The following GALNT13 variants were observed in gnomAD, a reference collection of about 807,000 sequenced individuals.
The protein encoded by GALNT13 is polypeptide N-acetylgalactosaminyltransferase 13.
GALNT13 carries 28 observed loss-of-function variants against 64.2 expected under a neutral mutation model. The ratio of observed to expected loss-of-function variants is 0.44; its 90% CI spans 0.32 to 0.60. GALNT13 has a LOEUF of 0.60. Among genes scored for constraint, GALNT13 ranks in the 20% least tolerant of loss-of-function variants. The pLI is 0.05. For missense variants in GALNT13, 577 were observed against 669.8 expected (o/e 0.86, Z 1.53); for synonymous variants, 214 against 224.6 (o/e 0.95, Z 0.42).
chr2:153,775,146 G>T, the GALNT13 span, among the ~76,000 whole-genome samples: 1 of 152,086 alleles, frequency 6.6e-6, no homozygotes, highest in African/African-American at 2.4e-5. Context: ...ATGGGGTAGG[G>T]TTTAGAGACA....
At chr2:154,342,971 CCA>C (rs1695858165) in intron 9 of GALNT13, among the ~76,000 whole-genome samples, 1 of 151,908 alleles carries the variant, frequency 6.6e-6, no homozygotes, top group African/African-American at 2.4e-5. Flanking sequence ...CATCTGTTTA[CCA>C]AGTACATTGC....
the GALNT13 span, among the ~76,000 whole-genome samples, chr2:153,146,833 A>G: frequency 0.01 from 1,520 of 151,868 alleles, 27 homozygotes; most frequent in African/African-American, 0.034. Context: ...TCATATAACT[A>G]TTTGCTCATG....
At chr2:153,305,983 C>T in the GALNT13 span, among the ~76,000 whole-genome samples, 1 of 152,202 alleles carries the variant, frequency 6.6e-6, no homozygotes, top group African/African-American at 2.4e-5. Context: ...GGAATGGTCA[C>T]TGTGTTCATA....
At chr2:154,409,140 T>C (rs760525318) in intron 11 of GALNT13, 58 bp downstream of exon 11, 2 of 1,031,146 alleles carry the variant, frequency 1.9e-6, no homozygotes, top group African/African-American at 3.1e-5. Flanking sequence ...GTTAAAACTA[T>C]CAGTGGAGAC....
chr2:153,759,344 T>C, the GALNT13 span, among the ~76,000 whole-genome samples: 1 of 152,192 alleles, frequency 6.6e-6, no homozygotes, highest in East Asian at 1.9e-4. Flanking sequence ...TTCAGCACTA[T>C]AGTGAAGAGG....
intron 8 of GALNT13, among the ~76,000 whole-genome samples, chr2:154,262,174 G>A (rs1690732852): frequency 6.6e-6 from 1 of 152,058 alleles, no homozygotes; most frequent in Non-Finnish European, 1.5e-5. Context: ...TAATAATAGT[G>A]ACTATTAGTA....
the GALNT13 span, among the ~76,000 whole-genome samples, chr2:153,630,259 C>T: frequency 6.6e-6 from 1 of 151,854 alleles, no homozygotes; most frequent in African/African-American, 2.4e-5. Context: ...AAATGTCCAA[C>T]AATGATAGAC....
the GALNT13 span, among the ~76,000 whole-genome samples, chr2:153,846,963 A>G: frequency 4.6e-5 from 7 of 152,130 alleles, no homozygotes; most frequent in Non-Finnish European, 8.8e-5. Context: ...TAGAATGGAC[A>G]TACAAATAAA....
chr2:154,245,362 G>A (rs990967470), intron 6 of GALNT13, among the ~76,000 whole-genome samples: 2 of 152,008 alleles, frequency 1.3e-5, no homozygotes, highest in African/African-American at 2.4e-5. Flanking sequence ...TCTCCATGAA[G>A]ATGTTCTCAG....
At chr2:153,612,609 G>A in the GALNT13 span, among the ~76,000 whole-genome samples, 3 of 151,128 alleles carry the variant, frequency 2.0e-5, no homozygotes, top group South Asian at 2.1e-4. Flanking sequence ...CAGTACATTC[G>A]AGGTTTTGTA....
At chr2:154,086,224 A>G (rs928193986) in intron 3 of GALNT13, among the ~76,000 whole-genome samples, 7 of 148,174 alleles carry the variant, frequency 4.7e-5, no homozygotes, top group Admixed American at 4.1e-4. Flanking sequence ...AGAGAACCCA[A>G]TTCTACACAA....
At chr2:153,626,203 A>G in the GALNT13 span, among the ~76,000 whole-genome samples, 2 of 152,124 alleles carry the variant, frequency 1.3e-5, no homozygotes, top group African/African-American at 4.8e-5. Context: ...AAGAAATATA[A>G]ATTTACTCAT....
At chr2:153,937,648 T>C (rs1414297156) in intron 2 of GALNT13, among the ~76,000 whole-genome samples, 2 of 152,206 alleles carry the variant, frequency 1.3e-5, no homozygotes, top group African/African-American at 4.8e-5. Context: ...TAAAACTTTT[T>C]TAAAACAATC....
intron 3 of GALNT13, among the ~76,000 whole-genome samples, chr2:154,064,969 T>C (rs1227212466): frequency 2.0e-5 from 3 of 152,064 alleles, no homozygotes; most frequent in Non-Finnish European, 4.4e-5. Flanking sequence ...GGATGGCATT[T>C]CTGGATGTGC....
At chr2:154,115,511 C>A (rs768641064) in intron 3 of GALNT13, among the ~76,000 whole-genome samples, 12 of 152,036 alleles carry the variant, frequency 7.9e-5, no homozygotes, top group Non-Finnish European at 1.6e-4. Context: ...ACTTCTGCCT[C>A]CCAGGTTTAA....
At chr2:153,940,001 T>C (rs1162528472) in intron 2 of GALNT13, among the ~76,000 whole-genome samples, 2 of 152,188 alleles carry the variant, frequency 1.3e-5, no homozygotes, top group East Asian at 3.9e-4. Flanking sequence ...GGTTCCCTCC[T>C]GAGAATTGAA....
chr2:153,631,767 C>G, the GALNT13 span, among the ~76,000 whole-genome samples: 2 of 152,134 alleles, frequency 1.3e-5, no homozygotes, highest in East Asian at 1.9e-4. Context: ...TGCCTGTTCA[C>G]TCTGATGGTA....
the GALNT13 span, among the ~76,000 whole-genome samples, chr2:153,767,268 G>C: frequency 6.6e-6 from 1 of 152,050 alleles, no homozygotes; most frequent in Non-Finnish European, 1.5e-5. Context: ...CCATGTTGCT[G>C]CAAAGGACAT....
intron 3 of GALNT13, among the ~76,000 whole-genome samples, chr2:154,049,181 C>T (rs1478458425): frequency 1.3e-5 from 2 of 151,844 alleles, no homozygotes; most frequent in East Asian, 3.9e-4. Flanking sequence ...TGCAGTGCCT[C>T]ATCTGATACA....
Sources: gnomAD v4.1 joint callset for allele counts (sites outside exome capture counted in the v4.1 genomes callset) on GRCh38, gnomAD v4.1.1 for gene constraint, MANE v1.5 for transcripts, NCBI Gene and HGNC (gene_info 2026-07-23, HGNC 2026-07-21) for gene names.